The following LRPPRC variants were observed in gnomAD, a reference collection of about 807,000 sequenced individuals.
LRPPRC encodes the protein leucine rich pentatricopeptide repeat containing.
LRPPRC carries 120 observed loss-of-function variants against 180.3 expected under a neutral mutation model. That is an observed-to-expected ratio of 0.67 (90% confidence interval 0.57 to 0.77). The LOEUF (loss-of-function observed/expected upper bound fraction) is 0.77. Ranked by LOEUF, LRPPRC falls within the 30% of genes least tolerant of loss-of-function variation. The pLI is 0.00. For missense variants in LRPPRC, 2,012 were observed against 1,657.2 expected, an observed-to-expected ratio of 1.21 and a Z score of -3.72; for synonymous variants, 723 against 600.0, an observed-to-expected ratio of 1.21 and a Z score of -3.00.
At chr2:43,926,770 C>T (rs2105044381) in intron 25 of LRPPRC, among the ~76,000 whole-genome samples, 1 of 152,294 alleles carries the variant, frequency 6.6e-6, no homozygotes, top group Admixed American at 6.5e-5. Context: ...CACAAAGTAA[C>T]AGTTGTCACA....
Position 43,986,800 on chromosome 2 carries a change from TA to T in LRPPRC, c.150-4367del, listed in dbSNP as rs1436866805. Among the ~76,000 whole-genome samples, 6 of 152,256 alleles carry T rather than the reference TA, an allele frequency of 3.9e-5. 1 individual carries two copies. In the South Asian group the frequency reaches 1.2e-3, roughly 32 times the overall value. On this transcript the variant is annotated intron_variant, in intron 1 of 37. Coordinates refer to ENST00000260665, the MANE Select transcript of LRPPRC (RefSeq NM_133259.4). ...ATTGGGTGTTCACACTGGAAAGTGG[TA>T]AAAAATTAAACCTAGACAGTGAGAG...
At chr2:43,911,845 C>G (rs1671273598) in intron 30 of LRPPRC, among the ~76,000 whole-genome samples, 1 of 151,742 alleles carries the variant, frequency 6.6e-6, no homozygotes, top group Non-Finnish European at 1.5e-5. Flanking sequence ...TTTTTTTAAT[C>G]CAAAAACAAC....
At position 43,888,274 on chromosome 2, in the gene LRPPRC, T is replaced by C. The variant is rs1289036994; in HGVS notation, c.*326A>G. On this transcript the variant is annotated 3_prime_UTR_variant, in exon 38 of 38. Transcript: ENST00000260665. ...AAACAGCAGACTAATAAGTGAATCT[T>C]AAATAAAGGAATAACATTTTAATGA... 1.1e-5 allele frequency: 3 copies of C among 281,580 alleles called. No homozygotes were observed. The highest frequency in any genetic ancestry group is 2.0e-5 in the Non-Finnish European group (3 of 146,838). 17.4% of individuals were successfully genotyped at this position (281,580 alleles called of 1,614,324 possible).
At chr2:43,950,388 C>G (rs923370258) in intron 15 of LRPPRC, among the ~76,000 whole-genome samples, 185 bp downstream of exon 15, 5 of 152,126 alleles carry the variant, frequency 3.3e-5, no homozygotes, top group African/African-American at 9.7e-5. Context: ...CCATTGGATT[C>G]TTATCAATTG....
intron 36 of LRPPRC, 93 bp from the exon 37 acceptor site, chr2:43,889,969 T>G (rs908138455): frequency 3.5e-5 from 30 of 862,860 alleles, no homozygotes; most frequent in Non-Finnish European, 5.5e-5. Context: ...GCTGGATCCC[T>G]TTATCCCACG....
At chr2:43,921,433 T>C (rs1671696128) in intron 27 of LRPPRC, among the ~76,000 whole-genome samples, 1 of 152,364 alleles carries the variant, frequency 6.6e-6, no homozygotes, top group South Asian at 2.1e-4. Context: ...AGTATTTTTC[T>C]TGTGAATTTA....
intron 27 of LRPPRC, among the ~76,000 whole-genome samples, chr2:43,921,921 G>C (rs753579436): frequency 6.6e-6 from 1 of 152,200 alleles, no homozygotes. Flanking sequence ...AATTACAAAT[G>C]TAAGGCAGTT....
At chr2:43,922,730 C>T (rs1205952565) in intron 27 of LRPPRC, among the ~76,000 whole-genome samples, 1 of 152,178 alleles carries the variant, frequency 6.6e-6, no homozygotes, top group Non-Finnish European at 1.5e-5. Context: ...GCCTGGGCAA[C>T]ACAGCAAGAC....
chr2:43,899,143 G>A (rs964337722), intron 34 of LRPPRC, 76 bp downstream of exon 34: 18 of 946,266 alleles, frequency 1.9e-5, no homozygotes, highest in Admixed American at 1.5e-4. Context: ...TCCACCACAC[G>A]CCTATGTCTA....
chr2:43,942,122 G>A (rs534023227), intron 23 of LRPPRC, among the ~76,000 whole-genome samples: 11 of 152,140 alleles, frequency 7.2e-5, no homozygotes, highest in Admixed American at 4.6e-4. Flanking sequence ...AGCCCCATCT[G>A]CAGACCTCTT....
intron 12 of LRPPRC, among the ~76,000 whole-genome samples, chr2:43,962,619 A>C (rs1377388087): frequency 6.6e-6 from 1 of 152,192 alleles, no homozygotes; most frequent in East Asian, 1.9e-4. Flanking sequence ...AATCCAATGC[A>C]CTGTCCCAAT....
intron 14 of LRPPRC, among the ~76,000 whole-genome samples, chr2:43,954,341 G>C (rs1473564071): frequency 6.6e-6 from 1 of 152,174 alleles, no homozygotes; most frequent in East Asian, 1.9e-4. Context: ...TGGCCAATAA[G>C]TATGCTCTAA....
chr2:43,894,951 G>A (rs898719178), intron 35 of LRPPRC, among the ~76,000 whole-genome samples: 6 of 152,136 alleles, frequency 3.9e-5, no homozygotes, highest in African/African-American at 9.7e-5. Context: ...AGGGTAGAGA[G>A]ATAACAACCC....
chr2:43,972,330 C>T (rs1673857995), intron 11 of LRPPRC, among the ~76,000 whole-genome samples: 1 of 152,172 alleles, frequency 6.6e-6, no homozygotes, highest in Non-Finnish European at 1.5e-5. Context: ...ACTATTTCAA[C>T]TGCTACAACC....
chr2:43,918,171 A>G (rs775736966), intron 28 of LRPPRC, 38 bp from the exon 29 acceptor site: 3 of 1,595,162 alleles, frequency 1.9e-6, no homozygotes, highest in Non-Finnish European at 8.6e-7. Context: ...AAAAACTGGT[A>G]ATCTTTTCAA....
intron 23 of LRPPRC, among the ~76,000 whole-genome samples, chr2:43,939,322 C>A (rs919611846): frequency 2.7e-5 from 4 of 149,382 alleles, no homozygotes; most frequent in East Asian, 1.9e-4. Flanking sequence ...ACAACAACAA[C>A]AAAAAACGAA....
At chr2:43,978,586 AAT>A (rs1464961129) in intron 3 of LRPPRC, among the ~76,000 whole-genome samples, 5 of 152,050 alleles carry the variant, frequency 3.3e-5, no homozygotes, top group Admixed American at 2.0e-4. Flanking sequence ...TTAGAGATTC[AAT>A]ATTTTAGCTT....
intron 11 of LRPPRC, among the ~76,000 whole-genome samples, chr2:43,966,031 A>ATTAT (rs1280282751): frequency 6.6e-6 from 1 of 152,228 alleles, no homozygotes; most frequent in African/African-American, 2.4e-5. Context: ...TCATCCCAGC[A>ATTAT]TTATTCACAG....
chr2:43,936,084 A>C (rs866138005), intron 23 of LRPPRC, among the ~76,000 whole-genome samples: 3 of 145,898 alleles, frequency 2.1e-5, no homozygotes, highest in Non-Finnish European at 3.0e-5. Flanking sequence ...ACTCTGTTTC[A>C]AAAAAAAAAA....
Sources: gnomAD v4.1 joint callset for allele counts (sites outside exome capture counted in the v4.1 genomes callset) on GRCh38, gnomAD v4.1.1 for gene constraint, MANE v1.5 for transcripts, NCBI Gene and HGNC (gene_info 2026-07-23, HGNC 2026-07-21) for gene names.